Variants in PDS5A observed in about 807,000 individuals in gnomAD.
The protein encoded by PDS5A is PDS5 cohesin associated factor A, also known as sister chromatid cohesion protein PDS5 homolog A.
A neutral mutation model predicts 167.1 loss-of-function variants in PDS5A; 42 were observed. The ratio of observed to expected loss-of-function variants is 0.25; its 90% CI spans 0.20 to 0.33. The LOEUF (loss-of-function observed/expected upper bound fraction) is 0.33. Ranked by LOEUF, PDS5A falls within the 10% of genes least tolerant of loss-of-function variation. The probability of loss-of-function intolerance (pLI) is 1.00; values close to 1 mark genes in which losing one functional copy is unlikely to be tolerated. For missense variants in PDS5A, 1,033 were observed against 1,605.9 expected, an observed-to-expected ratio of 0.64 and a Z score of 6.10; for synonymous variants, 553 against 554.6, an observed-to-expected ratio of 1.00 and a Z score of 0.04.
intron 2 of PDS5A, among the ~76,000 whole-genome samples, chr4:39,940,686 G>A (rs546462193): frequency 6.6e-6 from 1 of 151,228 alleles, no homozygotes; most frequent in South Asian, 2.1e-4. Flanking sequence ...TTTGGAGACA[G>A]GGTCTTGCTT....
In PDS5A at chr4:39,943,546, G is replaced by A. The variant is rs1214873248; in HGVS notation, c.139-15382C>T. On this transcript the variant is annotated intron_variant, in intron 2 of 32. Transcript: ENST00000303538. ...CACCTGTAATCCCAGCACTTTGGGA[G>A]GCCAGGGCAGGCGGATCACTTGAGG... Among the ~76,000 whole-genome samples, 4 of 150,682 alleles carry A rather than the reference G, an allele frequency of 2.7e-5. No individual in the cohort carries two copies. In the South Asian group the frequency reaches 8.3e-4, roughly 31 times the overall value.
rs537088243 is a variant in PDS5A, at chr4:39,906,930, A to AC, written c.1233+1464_1233+1465insG. On this transcript the variant is annotated intron_variant, in intron 11 of 32. Coordinates refer to ENST00000303538, the MANE Select transcript of PDS5A (RefSeq NM_001100399.2). Reference sequence around the variant, plus strand: ...AGATTTCTTACATAAAAAAAAAAAAAAAAAAAAAAAAAACAAGCAATAAAA... The same window carrying AC: ...AGATTTCTTACATAAAAAAAAAAAAACAAAAAAAAAAAAACAAGCAATAAAA... 1.9e-4 allele frequency among the ~76,000 whole-genome samples: 28 copies of AC among 151,230 alleles called. No individual in the cohort carries two copies. In the South Asian group the frequency reaches 5.4e-3, roughly 29 times the overall value.
chr4:39,894,786 T>C (rs1236394364), intron 16 of PDS5A, among the ~76,000 whole-genome samples: 1 of 152,214 alleles, frequency 6.6e-6, no homozygotes, highest in Non-Finnish European at 1.5e-5. Context: ...GCATAGTACT[T>C]GACGTTTATG....
chr4:39,869,550 G>T, intron 21 of PDS5A, 88 bp from the exon 22 acceptor site: 1 of 795,068 alleles, frequency 1.3e-6, no homozygotes, highest in Non-Finnish European at 2.2e-6. Flanking sequence ...GATCAACACA[G>T]CCTCTGAGAA....
chr4:39,850,294 C>T (rs1487378644), intron 26 of PDS5A, among the ~76,000 whole-genome samples: 1 of 148,986 alleles, frequency 6.7e-6, no homozygotes, highest in Non-Finnish European at 1.5e-5. Flanking sequence ...AAAAGAAATT[C>T]GAGACTAGCC....
At chr4:39,854,672 C>T (rs911678478) in intron 26 of PDS5A, among the ~76,000 whole-genome samples, 2 of 151,582 alleles carry the variant, frequency 1.3e-5, no homozygotes, top group African/African-American at 4.8e-5. Flanking sequence ...CATATTGTAA[C>T]CACCTCTTTA....
Position 39,825,290 on chromosome 4 carries a change from C to G in PDS5A, c.*195G>C. ...CTTTTAGCCTCTCTCTCAAGAGTTT[C>G]TGCTGTACATTTCCATCAGAGGACT... is the stretch of plus-strand genomic sequence containing the variant. On this transcript the variant is annotated 3_prime_UTR_variant, in exon 33 of 33. Coordinates refer to ENST00000303538, the MANE Select transcript of PDS5A (RefSeq NM_001100399.2). 4.5e-6 allele frequency: 2 copies of G among 441,790 alleles called. No homozygotes were observed. 27.4% of individuals were successfully genotyped at this position (441,790 alleles called of 1,614,324 possible).
chr4:39,866,835 A>G (rs376279135), intron 23 of PDS5A, 26 bp downstream of exon 23: 7 of 1,593,558 alleles, frequency 4.4e-6, no homozygotes, highest in South Asian at 2.3e-5. Context: ...AGCACTAAGA[A>G]AACTGGAAAG....
Position 39,976,617 on chromosome 4 carries a change from T to C in PDS5A, c.-40A>G, listed in dbSNP as rs1246929907. On this transcript the variant is annotated splice_region_variant and 5_prime_UTR_variant, in exon 2 of 33. Coordinates refer to ENST00000303538, the MANE Select transcript of PDS5A (RefSeq NM_001100399.2). ...TTTGGTTCACAGTCCTCTACCGGCC[T>C]CTATCGGTCAGAAAACCAAAGTTCA... The C allele has an allele frequency of 4.5e-6, 7 of 1,541,656 alleles. No individual in the cohort carries two copies. The highest frequency in any genetic ancestry group is 6.2e-6 in the Non-Finnish European group (7 of 1,132,720).
intron 2 of PDS5A, among the ~76,000 whole-genome samples, chr4:39,970,619 G>A (rs946296623): frequency 6.6e-6 from 1 of 151,562 alleles, no homozygotes; most frequent in Non-Finnish European, 1.5e-5. Context: ...TAAATATGGC[G>A]TTATTGCCCC....
At chr4:39,900,187 T>A (rs892954121) in intron 14 of PDS5A, among the ~76,000 whole-genome samples, 1 of 152,188 alleles carries the variant, frequency 6.6e-6, no homozygotes, top group Non-Finnish European at 1.5e-5. Context: ...AAACTCTTAG[T>A]GTCTGAAAAC....
chr4:39,877,253 T>G, intron 18 of PDS5A, 100 bp from the exon 19 acceptor site: 1 of 693,832 alleles, frequency 1.4e-6, no homozygotes, highest in Non-Finnish European at 2.3e-6. Flanking sequence ...AATTCTGGGG[T>G]AAATATGCTA....
intron 2 of PDS5A, among the ~76,000 whole-genome samples, chr4:39,934,875 T>C (rs1389153579): frequency 1.3e-5 from 2 of 152,082 alleles, no homozygotes; most frequent in African/African-American, 4.8e-5. Context: ...CCAAATCTCT[T>C]TTCTTTTTTC....
chr4:39,851,547 C>A (rs548044222), intron 26 of PDS5A, among the ~76,000 whole-genome samples: 75 of 152,296 alleles, frequency 4.9e-4, no homozygotes, highest in African/African-American at 1.8e-3. Context: ...CTTGGCCTCA[C>A]AAAGTGCCAG....
At chr4:39,960,427 C>G (rs1729374222) in intron 2 of PDS5A, among the ~76,000 whole-genome samples, 1 of 152,128 alleles carries the variant, frequency 6.6e-6, no homozygotes, top group Non-Finnish European at 1.5e-5. Context: ...TGTGTAGAAG[C>G]AAACTAGCTA....
At chr4:39,844,008 G>A (rs58040108) in intron 30 of PDS5A, among the ~76,000 whole-genome samples, 4,871 of 151,944 alleles carry the variant, frequency 0.032, 248 homozygotes, top group African/African-American at 0.11. Flanking sequence ...AATTGGCTGG[G>A]GGTTGGTGGT....
chr4:39,914,304 G>A (rs56131685), intron 8 of PDS5A, among the ~76,000 whole-genome samples: 29,667 of 151,448 alleles, frequency 0.2, 3,414 homozygotes, highest in Middle Eastern at 0.28. Context: ...TGGGATTACA[G>A]GCGCCCACCA....
chr4:39,890,119 T>C (rs1295128864), intron 17 of PDS5A, 130 bp downstream of exon 17: 3 of 546,870 alleles, frequency 5.5e-6, no homozygotes, highest in South Asian at 3.0e-5. Flanking sequence ...ACTTGAATGA[T>C]GTACAACCCT....
chr4:39,945,969 T>A (rs2109776351), intron 2 of PDS5A, among the ~76,000 whole-genome samples: 1 of 150,484 alleles, frequency 6.6e-6, no homozygotes, highest in Non-Finnish European at 1.5e-5. Flanking sequence ...TGGGAGGCCG[T>A]GGAGGGAGGG....
Sources: allele counts gnomAD v4.1 joint callset (sites outside exome capture counted in the v4.1 genomes callset), GRCh38; gene constraint gnomAD v4.1.1; transcripts MANE v1.5; gene names NCBI Gene and HGNC (gene_info 2026-07-23, HGNC 2026-07-21).